The following PI4KA variants were observed in gnomAD, a reference collection of about 807,000 sequenced individuals.
PI4KA encodes the protein phosphatidylinositol 4-kinase alpha.
A neutral mutation model predicts 271.4 loss-of-function variants in PI4KA; 122 were observed. The observed-to-expected ratio is 0.45, with a 90% CI of 0.39 to 0.52. The LOEUF (loss-of-function observed/expected upper bound fraction) is 0.52, where lower values mean the gene tolerates loss of function less well. PI4KA is among the 20% of genes least tolerant of loss of function. PI4KA has a pLI of 0.00. For synonymous variants in PI4KA, 1,041 were observed against 1,078.8 expected (o/e 0.96, Z 0.69); for missense variants, 1,969 against 2,769.1 (o/e 0.71, Z 6.48).
chr22:20,756,781 C>A (rs1931357844), intron 23 of PI4KA, among the ~76,000 whole-genome samples: 1 of 151,990 alleles, frequency 6.6e-6, no homozygotes, highest in African/African-American at 2.4e-5. Flanking sequence ...CAGTCACCTG[C>A]CATCACACCC....
chr22:20,829,785 T>C (rs1923914349), intron 3 of PI4KA, among the ~76,000 whole-genome samples: 1 of 152,202 alleles, frequency 6.6e-6, no homozygotes, highest in African/African-American at 2.4e-5. Flanking sequence ...AACGTCAGCA[T>C]TCATGCTATA....
In PI4KA at chr22:20,747,628, GCT is replaced by G; in HGVS notation, c.3316_3317del (p.Ser1106HisfsTer62). 2 of 1,614,106 alleles carry G rather than the reference GCT, an allele frequency of 1.2e-6. No homozygotes were observed. ...QHTGLAMATE[S>X]ILHFAGYNKQ... ...TGTTGTAGCCAGCAAAGTGAAGGAT[GCT>G]CTCAGTGGCCATGGCCAGCCCCGTG... On this transcript the variant is annotated frameshift_variant, in exon 29 of 55. Coordinates refer to ENST00000255882, the MANE Select transcript of PI4KA (RefSeq NM_058004.4). LOFTEE classifies it high-confidence loss of function.
rs777136650 is a variant in PI4KA at position 20,734,437 on chromosome 22, T to A, written c.3858A>T (p.Lys1286Asn). The A allele has an allele frequency of 1.3e-5, 21 of 1,607,216 alleles. No individual in the cohort carries two copies. In the South Asian group the frequency reaches 2.2e-4, roughly 17 times the overall value. Reference sequence around the variant, plus strand: ...GGGGGGTCACTTCGGGGGGACAGGGTTTGGGTTGACTTGCTTCCGAGGCAG... The same window carrying A: ...GGGGGGTCACTTCGGGGGGACAGGGATTGGGTTGACTTGCTTCCGAGGCAG... ...PLAASEASQPKPCPPEVTPHY... is the reference protein window; with the variant it reads ...PLAASEASQPNPCPPEVTPHY... The change falls in exon 33 of 55, where the codon AAA (lysine) becomes AAT (asparagine). Residue 1286 changes from lysine to asparagine, a missense_variant. Transcript: ENST00000255882.
intron 19 of PI4KA, chr22:20,786,061 G>A (rs1210090868): frequency 6.2e-7 from 1 of 1,614,168 alleles, no homozygotes; most frequent in East Asian, 2.2e-5. Context: ...ATCTAGTGGA[G>A]TCCCTGAAGT....
In PI4KA at chr22:20,820,560, C is replaced by T. The variant is rs1396092090; in HGVS notation, c.508G>A (p.Ala170Thr). Residue 170 changes from alanine to threonine, a missense_variant, in exon 5 of 55, where the codon GCC (alanine) becomes ACC (threonine). Coordinates refer to ENST00000255882, the MANE Select transcript of PI4KA (RefSeq NM_058004.4). ...VLHVLLGMCQ[A>T]LEIQDKEYLC... The stretch of plus-strand genomic sequence containing the variant: ...GTACCTTTGTCTTGAATCTCCAAGG[C>T]CTGGCACATCCCCAAGAGGACATGC... The T allele has an allele frequency of 1.9e-6, 3 of 1,610,858 alleles. No individual in the cohort carries two copies. The highest frequency in any genetic ancestry group is 1.1e-5 in the South Asian group (1 of 90,872).
intron 1 of PI4KA, among the ~76,000 whole-genome samples, chr22:20,848,725 A>T (rs1926586033): frequency 6.6e-6 from 1 of 152,202 alleles, no homozygotes; most frequent in Non-Finnish European, 1.5e-5. Flanking sequence ...CTAAACTATA[A>T]AACTGCTAAC....
chr22:20,812,167 T>C (rs1921131604), intron 8 of PI4KA, among the ~76,000 whole-genome samples: 1 of 152,196 alleles, frequency 6.6e-6, no homozygotes, highest in Admixed American at 6.5e-5. Context: ...GTGAAGGTCA[T>C]GGCTCTACCA....
At chr22:20,818,823 A>G (rs1922187881) in intron 6 of PI4KA, among the ~76,000 whole-genome samples, 1 of 152,192 alleles carries the variant, frequency 6.6e-6, no homozygotes, top group South Asian at 2.1e-4. Context: ...TGAGTCAATT[A>G]TATACTTCTT....
intron 1 of PI4KA, among the ~76,000 whole-genome samples, chr22:20,847,675 A>G (rs1347908880): frequency 6.6e-6 from 1 of 151,886 alleles, no homozygotes; most frequent in Non-Finnish European, 1.5e-5. Context: ...TAAGCCTGGG[A>G]GGTCCAGGCT....
Position 20,742,283 on chromosome 22 carries a change from G to A in PI4KA, c.3686C>T (p.Thr1229Met), listed in dbSNP as rs762459684. The change falls in exon 32 of 55, where the codon ACG becomes ATG. Residue 1229 changes from threonine to methionine, a missense_variant. Physicochemically the swap from Thr to Met is moderately conservative, Grantham distance 81. This residue lies in a region of PI4KA where 203 missense variants were observed against 256.8 expected (regional missense o/e 0.79). Coordinates refer to ENST00000255882, the MANE Select transcript of PI4KA (RefSeq NM_058004.4). ...LRMFNEHGME[T>M]ALACWEWLLA... ...CAGCCACTCCCAGCAGGCCAGGGCC[G>A]TCTCCATGCCATGCTCATTGAACAT... 4.5e-5 allele frequency: 73 copies of A among 1,614,060 alleles called. 1 individual carries two copies. The East Asian group carries it at 1.1e-3, about 24-fold the overall frequency.
At chr22:20,798,281 G>A (rs771485467) in intron 17 of PI4KA, among the ~76,000 whole-genome samples, 5 of 152,104 alleles carry the variant, frequency 3.3e-5, no homozygotes, top group Non-Finnish European at 5.9e-5. Flanking sequence ...GGCAACCTGC[G>A]CAGGATCATT....
At chr22:20,713,122 G>A (rs1925528514) in intron 48 of PI4KA, 159 bp downstream of exon 48, 2 of 707,012 alleles carry the variant, frequency 2.8e-6, no homozygotes, top group Non-Finnish European at 4.9e-6. Context: ...GAGGCCTCTG[G>A]GTTTTGCAGA....
chr22:20,758,802 G>A (rs542704149), intron 23 of PI4KA, among the ~76,000 whole-genome samples: 1 of 152,220 alleles, frequency 6.6e-6, no homozygotes, highest in African/African-American at 2.4e-5. Flanking sequence ...GAAACTGCCT[G>A]CCTGCACCTC....
chr22:20,726,311 C>G, intron 42 of PI4KA, 177 bp downstream of exon 42: 1 of 523,750 alleles, frequency 1.9e-6, no homozygotes, highest in Non-Finnish European at 3.3e-6. Flanking sequence ...AGTGGGTGAA[C>G]ATGGGTATCA....
chr22:20,795,424 T>A (rs994822229), intron 18 of PI4KA, among the ~76,000 whole-genome samples: 2 of 151,848 alleles, frequency 1.3e-5, no homozygotes, highest in Non-Finnish European at 2.9e-5. Context: ...ATAAAAAAAA[T>A]ACAAAAACAA....
At chr22:20,818,077 A>T (rs555842987) in intron 7 of PI4KA, among the ~76,000 whole-genome samples, 18 of 129,438 alleles carry the variant, frequency 1.4e-4, no homozygotes, top group Admixed American at 4.7e-4. Flanking sequence ...GTGAGCCGAG[A>T]CTACACCACT....
chr22:20,848,758 T>C (rs977213609), intron 1 of PI4KA, among the ~76,000 whole-genome samples: 8 of 152,052 alleles, frequency 5.3e-5, no homozygotes, highest in African/African-American at 1.7e-4. Flanking sequence ...TGTAAGTCTT[T>C]GTGACCTTGA....
At chr22:20,823,975 C>A (rs1923047160) in intron 4 of PI4KA, among the ~76,000 whole-genome samples, 1 of 151,938 alleles carries the variant, frequency 6.6e-6, no homozygotes, top group Non-Finnish European at 1.5e-5. Flanking sequence ...TGAATGACTT[C>A]AATCCCCAAC....
intron 29 of PI4KA, among the ~76,000 whole-genome samples, chr22:20,745,701 T>C (rs1034528272): frequency 6.6e-6 from 1 of 152,216 alleles, no homozygotes. Context: ...TTGGCTCTGA[T>C]ACTAATCAGC....
Sources: gnomAD v4.1 joint callset for allele counts (sites outside exome capture counted in the v4.1 genomes callset) on GRCh38, gnomAD v4.1.1 for gene constraint, gnomAD v4.1.1 regional missense constraint, MANE v1.5 for transcripts, NCBI Gene and HGNC (gene_info 2026-07-23, HGNC 2026-07-21) for gene names.